VTI1A: variants seen among roughly 807,000 people sequenced by gnomAD.
VTI1A encodes vesicle transport through interaction with t-SNAREs homolog 1A.
A neutral mutation model predicts 34.9 loss-of-function variants in VTI1A; 22 were observed. The observed-to-expected ratio is 0.63, with a 90% CI of 0.45 to 0.90. The LOEUF (loss-of-function observed/expected upper bound fraction) is 0.90, where lower values mean the gene tolerates loss of function less well. Ranked by LOEUF, VTI1A falls within the 40% of genes least tolerant of loss-of-function variation. The probability of loss-of-function intolerance (pLI) is 0.00; values close to 1 mark genes in which losing one functional copy is unlikely to be tolerated. For missense variants in VTI1A, 268 were observed against 275.6 expected (o/e 0.97, Z 0.20); for synonymous variants, 87 against 97.3 (o/e 0.89, Z 0.62).
At chr10:112,448,499 A>C (rs1346173100) in intron 1 of VTI1A, 1 of 152,234 alleles carries the variant, frequency 6.6e-6, no homozygotes, top group Non-Finnish European at 1.5e-5. Flanking sequence ...GGTGAATATA[A>C]ATATGATCTT....
chr10:112,812,547 A>G (rs1043860108), intron 7 of VTI1A, among the ~76,000 whole-genome samples: 1 of 152,074 alleles, frequency 6.6e-6, no homozygotes, highest in African/African-American at 2.4e-5. Flanking sequence ...CCCCCTTCCA[A>G]ACTGGCTCAG....
intron 5 of VTI1A, among the ~76,000 whole-genome samples, chr10:112,573,665 T>C (rs905614020): frequency 2.2e-4 from 33 of 152,314 alleles, no homozygotes; most frequent in African/African-American, 7.9e-4. Flanking sequence ...GTCTCACACT[T>C]CCTCCTATTT....
chr10:112,778,252 C>T (rs1852010889), intron 7 of VTI1A, among the ~76,000 whole-genome samples: 1 of 152,132 alleles, frequency 6.6e-6, no homozygotes, highest in South Asian at 2.1e-4. Flanking sequence ...AACTTAATAC[C>T]AAAGCCATCA....
chr10:112,741,065 A>C (rs555973763), intron 7 of VTI1A, among the ~76,000 whole-genome samples: 2 of 152,250 alleles, frequency 1.3e-5, no homozygotes, highest in Non-Finnish European at 2.9e-5. Context: ...CACATAGTCT[A>C]TGAATCCATT....
At chr10:112,586,682 C>T (rs2134417272) in intron 5 of VTI1A, among the ~76,000 whole-genome samples, 1 of 152,250 alleles carries the variant, frequency 6.6e-6, no homozygotes, top group East Asian at 1.9e-4. Flanking sequence ...ACCCCGCTGC[C>T]TCCTCTAGCC....
chr10:112,453,726 A>G (rs916420156), intron 1 of VTI1A, among the ~76,000 whole-genome samples: 11 of 151,932 alleles, frequency 7.2e-5, no homozygotes, highest in Non-Finnish European at 1.3e-4. Context: ...CTCCAGGATC[A>G]TCTTCTCTAT....
chr10:112,567,001 T>C (rs1049834012), intron 5 of VTI1A, among the ~76,000 whole-genome samples: 4 of 152,178 alleles, frequency 2.6e-5, no homozygotes, highest in African/African-American at 9.7e-5. Context: ...AAGACACCTT[T>C]TTTGTATCTC....
At chr10:112,597,465 G>A (rs927584345) in intron 5 of VTI1A, among the ~76,000 whole-genome samples, 6 of 152,078 alleles carry the variant, frequency 3.9e-5, no homozygotes, top group Non-Finnish European at 7.4e-5. Flanking sequence ...TGATCTGCCT[G>A]CCTCAGCCTC....
rs542807075 is a variant in VTI1A, at chr10:112,687,584, C to G, written c.560+18586C>G. On this transcript the variant is annotated intron_variant, in intron 7 of 7. Coordinates refer to ENST00000393077, the MANE Select transcript of VTI1A (RefSeq NM_145206.4). Reference sequence around the variant, plus strand: ...TTTAATAGGACTTGAAAATTTTCACCCAGTTTTGCTTTAGGGAAAAATGTA... The same window carrying G: ...TTTAATAGGACTTGAAAATTTTCACGCAGTTTTGCTTTAGGGAAAAATGTA... 2.8e-4 allele frequency among the ~76,000 whole-genome samples: 43 copies of G among 151,926 alleles called. No homozygotes were observed. In the South Asian group the frequency reaches 9.0e-3, roughly 32 times the overall value.
At chr10:112,449,953 G>A (rs1215699444) in intron 1 of VTI1A, 1 of 151,964 alleles carries the variant, frequency 6.6e-6, no homozygotes, top group Non-Finnish European at 1.5e-5. Context: ...ACGTTGGAGT[G>A]TAATGGCGCA....
chr10:112,638,188 C>G (rs1317769962), intron 5 of VTI1A, among the ~76,000 whole-genome samples: 3 of 152,182 alleles, frequency 2.0e-5, no homozygotes, highest in Non-Finnish European at 4.4e-5. Flanking sequence ...TCAAGAAGCT[C>G]TCTGAACAGC....
intron 5 of VTI1A, among the ~76,000 whole-genome samples, chr10:112,658,399 T>C (rs1247528440): frequency 1.3e-5 from 2 of 152,170 alleles, no homozygotes; most frequent in Non-Finnish European, 2.9e-5. Flanking sequence ...TTTGTGCCAT[T>C]ACTTTTACAG....
intron 5 of VTI1A, among the ~76,000 whole-genome samples, chr10:112,601,666 C>T (rs1055467063): frequency 7.2e-5 from 11 of 152,074 alleles, no homozygotes; most frequent in Non-Finnish European, 1.0e-4. Flanking sequence ...ATGGGTAATA[C>T]GAATTCATCT....
intron 5 of VTI1A, among the ~76,000 whole-genome samples, chr10:112,667,174 A>C (rs999298636): frequency 1.3e-5 from 2 of 152,134 alleles, no homozygotes; most frequent in African/African-American, 4.8e-5. Flanking sequence ...ATTATAATAG[A>C]TGCTTGTTTG....
At chr10:112,488,563 GA>G (rs1169046774) in intron 3 of VTI1A, among the ~76,000 whole-genome samples, 2 of 152,180 alleles carry the variant, frequency 1.3e-5, no homozygotes, top group African/African-American at 4.8e-5. Context: ...GCAAGAATTA[GA>G]AACCTATATT....
chr10:112,564,108 C>A, intron 5 of VTI1A, among the ~76,000 whole-genome samples: 1 of 150,004 alleles, frequency 6.7e-6, no homozygotes. Flanking sequence ...CAATTTCACC[C>A]TGAAAATAGT....
chr10:112,716,260 C>G (rs574900422), intron 7 of VTI1A, among the ~76,000 whole-genome samples: 1 of 152,190 alleles, frequency 6.6e-6, no homozygotes. Context: ...CATGGAGACA[C>G]TGTCACCAGT....
chr10:112,713,788 T>G (rs1849510572), intron 7 of VTI1A, among the ~76,000 whole-genome samples: 2 of 152,206 alleles, frequency 1.3e-5, no homozygotes, highest in Admixed American at 6.5e-5. Context: ...TAAGGAAAAT[T>G]GCAAGAAGCA....
intron 5 of VTI1A, among the ~76,000 whole-genome samples, chr10:112,578,061 C>T (rs1029990047): frequency 5.9e-5 from 9 of 152,174 alleles, no homozygotes; most frequent in African/African-American, 2.2e-4. Flanking sequence ...TTTGTTTGAA[C>T]CTTTTTGAGC....
Sources: allele counts gnomAD v4.1 joint callset (sites outside exome capture counted in the v4.1 genomes callset), GRCh38; gene constraint gnomAD v4.1.1; transcripts MANE v1.5; gene names NCBI Gene and HGNC (gene_info 2026-07-23, HGNC 2026-07-21).